The following SDK1 variants were observed in gnomAD, a reference collection of about 807,000 sequenced individuals.
SDK1 encodes sidekick cell adhesion molecule 1, also known as protein sidekick-1.
A neutral mutation model predicts 245.5 loss-of-function variants in SDK1; 157 were observed. The ratio of observed to expected loss-of-function variants is 0.64; its 90% confidence interval spans 0.56 to 0.73. The LOEUF is 0.73. SDK1 is among the 30% of genes least tolerant of loss of function. The probability of loss-of-function intolerance (pLI) is 0.00; values close to 1 mark genes in which losing one functional copy is unlikely to be tolerated. For synonymous variants in SDK1, 1,647 were observed against 1,278.5 expected, an observed-to-expected ratio of 1.29 and a Z score of -6.15; for missense variants, 3,583 against 3,002.3, an observed-to-expected ratio of 1.19 and a Z score of -4.52.
intron 4 of SDK1, among the ~76,000 whole-genome samples, chr7:3,762,049 C>G: frequency 6.6e-6 from 1 of 152,152 alleles, no homozygotes; most frequent in South Asian, 2.1e-4. Flanking sequence ...TATCTTTAAC[C>G]ACAGTTAGCT....
At chr7:3,313,050 C>G (rs1409623504) in intron 1 of SDK1, among the ~76,000 whole-genome samples, 2 of 152,166 alleles carry the variant, frequency 1.3e-5, no homozygotes, top group Non-Finnish European at 2.9e-5. Context: ...ACATCAAAGG[C>G]TGGAAGTGGA....
intron 1 of SDK1, among the ~76,000 whole-genome samples, chr7:3,332,021 C>A (rs983938202): frequency 2.0e-5 from 3 of 152,080 alleles, no homozygotes; most frequent in Non-Finnish European, 2.9e-5. Flanking sequence ...TTTATTTCGA[C>A]CAGTATTAAG....
intron 4 of SDK1, among the ~76,000 whole-genome samples, chr7:3,692,953 C>A (rs1039440310): frequency 1.3e-5 from 2 of 151,886 alleles, no homozygotes; most frequent in African/African-American, 4.8e-5. Context: ...ATTTATATAT[C>A]ATCCAGTAGT....
chr7:4,069,527 C>T (rs991968190), intron 20 of SDK1, among the ~76,000 whole-genome samples: 7 of 152,202 alleles, frequency 4.6e-5, no homozygotes, highest in Non-Finnish European at 8.8e-5. Flanking sequence ...GCTGCGTCTC[C>T]GCTCCGTGGT....
At chr7:3,984,131 G>A (rs2128138056) in intron 13 of SDK1, among the ~76,000 whole-genome samples, 1 of 152,266 alleles carries the variant, frequency 6.6e-6, no homozygotes, top group South Asian at 2.1e-4. Flanking sequence ...TGTTGCTTGT[G>A]GTCTGCTGGC....
intron 28 of SDK1, chr7:4,134,749 AC>A (rs1307989527): frequency 8.5e-5 from 13 of 152,502 alleles, no homozygotes; most frequent in African/African-American, 3.1e-4. Flanking sequence ...CTGTCAGCTT[AC>A]CGGGCTGCCA....
chr7:4,112,758 ATT>A (rs10637008), intron 23 of SDK1, among the ~76,000 whole-genome samples: 4 of 147,058 alleles, frequency 2.7e-5, no homozygotes, highest in African/African-American at 1.0e-4. Context: ...TGCAATTTGC[ATT>A]TTTTTTTTTT....
intron 32 of SDK1, among the ~76,000 whole-genome samples, chr7:4,162,236 C>T (rs1490787042): frequency 6.6e-6 from 1 of 152,076 alleles, no homozygotes; most frequent in African/African-American, 2.4e-5. Context: ...CCCTACAAGG[C>T]AGTAAAACTG....
intron 4 of SDK1, among the ~76,000 whole-genome samples, chr7:3,670,574 G>A (rs1452543948): frequency 2.6e-5 from 4 of 152,190 alleles, no homozygotes; most frequent in South Asian, 2.1e-4. Context: ...GAGATGAAAC[G>A]TGTGCGGTGG....
At chr7:3,642,169 C>A in intron 4 of SDK1, 64 bp downstream of exon 4, 1 of 1,489,030 alleles carries the variant, frequency 6.7e-7, no homozygotes, top group Non-Finnish European at 9.3e-7. Flanking sequence ...GCACCATCTA[C>A]ACAGTAAGTG....
chr7:4,206,120 C>T (rs1784209729), intron 36 of SDK1, 126 bp downstream of exon 36: 12 of 651,638 alleles, frequency 1.8e-5, no homozygotes, highest in East Asian at 1.8e-4. Flanking sequence ...GGGGCCCAAG[C>T]GTCGGAGCTT....
chr7:3,998,966 C>T (rs754808973), intron 14 of SDK1, among the ~76,000 whole-genome samples: 5 of 152,162 alleles, frequency 3.3e-5, no homozygotes, highest in Non-Finnish European at 5.9e-5. Flanking sequence ...TCAGTCATTC[C>T]AACTGCTTAG....
At chr7:3,529,742 C>T (rs1423421035) in intron 1 of SDK1, among the ~76,000 whole-genome samples, 1 of 152,034 alleles carries the variant, frequency 6.6e-6, no homozygotes, top group African/African-American at 2.4e-5. Context: ...AGATATCTCC[C>T]CCAAAACATG....
intron 1 of SDK1, among the ~76,000 whole-genome samples, chr7:3,321,581 A>G (rs1479513572): frequency 6.6e-6 from 1 of 152,188 alleles, no homozygotes; most frequent in Non-Finnish European, 1.5e-5. Context: ...TTTTACATAC[A>G]GTATGTGAAG....
intron 14 of SDK1, among the ~76,000 whole-genome samples, chr7:4,007,717 T>C (rs187599632): frequency 2.0e-5 from 3 of 152,178 alleles, no homozygotes; most frequent in African/African-American, 2.4e-5. Flanking sequence ...CAATTCTCTG[T>C]CTCAGCCTCC....
chr7:3,441,559 G>A (rs936614353), intron 1 of SDK1, among the ~76,000 whole-genome samples: 8 of 151,698 alleles, frequency 5.3e-5, no homozygotes, highest in Admixed American at 6.6e-5. Flanking sequence ...GTTTTGTTCC[G>A]TTGATACATT....
intron 5 of SDK1, among the ~76,000 whole-genome samples, chr7:3,882,481 C>T (rs1012029453): frequency 6.6e-6 from 1 of 152,234 alleles, no homozygotes; most frequent in East Asian, 1.9e-4. Flanking sequence ...AACACTGATT[C>T]TTTCCTTCTA....
At position 3,847,428 on chromosome 7, in the gene SDK1, C is replaced by T. The variant is rs1208101534; in HGVS notation, c.847+25845C>T. On this transcript the variant is annotated intron_variant, in intron 5 of 44. Transcript: ENST00000404826. ...TAATTTATTTAGTATTTACCGAGGC[C>T]TTTAACAAGCTATGCTGAGGCAGCT... Among the ~76,000 whole-genome samples, 5 of 152,204 alleles carry T rather than the reference C, an allele frequency of 3.3e-5. No individual in the cohort carries two copies. In the East Asian group the frequency reaches 9.6e-4, roughly 29 times the overall value.
intron 4 of SDK1, among the ~76,000 whole-genome samples, chr7:3,729,411 C>T (rs1465454606): frequency 6.6e-6 from 1 of 152,192 alleles, no homozygotes; most frequent in Non-Finnish European, 1.5e-5. Flanking sequence ...CCTTAGGAAA[C>T]ACTTAACAAT....
Sources: gnomAD v4.1 joint callset for allele counts (sites outside exome capture counted in the v4.1 genomes callset) on GRCh38, gnomAD v4.1.1 for gene constraint, MANE v1.5 for transcripts, NCBI Gene and HGNC (gene_info 2026-07-23, HGNC 2026-07-21) for gene names.